The following CHMP4C variants were observed in gnomAD, a reference collection of about 807,000 sequenced individuals.
CHMP4C encodes charged multivesicular body protein 4C.
A neutral mutation model predicts 29.0 loss-of-function variants in CHMP4C; 28 were observed. That is an observed-to-expected ratio of 0.97 (90% confidence interval 0.72 to 1.32). CHMP4C has a LOEUF of 1.32. CHMP4C is among the 40% of genes most tolerant of loss of function. The pLI is 0.00. For missense variants in CHMP4C, 291 were observed against 281.0 expected, an observed-to-expected ratio of 1.04 and a Z score of -0.25; for synonymous variants, 106 against 102.4, an observed-to-expected ratio of 1.04 and a Z score of -0.21.
At chr8:81,754,739 A>C (rs1406934131) in intron 2 of CHMP4C, among the ~76,000 whole-genome samples, 4 of 152,174 alleles carry the variant, frequency 2.6e-5, no homozygotes, top group Non-Finnish European at 4.4e-5. Context: ...AAATGTCTTC[A>C]AAGTGGCTGT....
intron 4 of CHMP4C, 84 bp from the exon 5 acceptor site, chr8:81,758,396 T>C: frequency 3.9e-6 from 6 of 1,548,912 alleles, no homozygotes; most frequent in Non-Finnish European, 5.3e-6. Context: ...ACTGAACACA[T>C]TTTTATATGT....
chr8:81,753,030 C>G, intron 1 of CHMP4C, 34 bp from the exon 2 acceptor site: 12 of 1,555,980 alleles, frequency 7.7e-6, no homozygotes, highest in Non-Finnish European at 1.0e-5. Flanking sequence ...GTCTCTTTCT[C>G]TTTCCTAATA....
At chr8:81,758,362 T>C in intron 4 of CHMP4C, 67 bp downstream of exon 4, 2 of 1,589,368 alleles carry the variant, frequency 1.3e-6, no homozygotes, top group South Asian at 2.2e-5. Context: ...GCCCATTCTT[T>C]TTAGCACATG....
intron 1 of CHMP4C, among the ~76,000 whole-genome samples, chr8:81,740,208 C>T (rs1335609052): frequency 2.6e-5 from 4 of 152,206 alleles, no homozygotes; most frequent in South Asian, 2.1e-4. Flanking sequence ...GTGTTTCATC[C>T]GCTGAGGCGG....
intron 1 of CHMP4C, among the ~76,000 whole-genome samples, chr8:81,744,424 T>C (rs1563620151): frequency 6.6e-6 from 1 of 152,202 alleles, no homozygotes; most frequent in East Asian, 1.9e-4. Context: ...AGACAGTCAC[T>C]GGGGACTTTA....
At chr8:81,738,574 A>G (rs1423330158) in intron 1 of CHMP4C, among the ~76,000 whole-genome samples, 1 of 152,192 alleles carries the variant, frequency 6.6e-6, no homozygotes, top group African/African-American at 2.4e-5. Flanking sequence ...TAGTTGTCAT[A>G]GAGCTCAATT....
chr8:81,745,911 G>A (rs537672721), intron 1 of CHMP4C, among the ~76,000 whole-genome samples: 1 of 152,248 alleles, frequency 6.6e-6, no homozygotes, highest in African/African-American at 2.4e-5. Flanking sequence ...TAAATTTCAC[G>A]GCTCTGAAAA....
chr8:81,758,139 C>A lies in CHMP4C; in HGVS notation c.484-3C>A. ...CATAATTCTTCCTTTCTCCTGTGTT[C>A]AGGATGAGTTGATGGCAGAACTTGA... On this transcript the variant is annotated splice_polypyrimidine_tract_variant and splice_region_variant and intron_variant, in intron 3 of 4. Coordinates refer to ENST00000297265, the MANE Select transcript of CHMP4C (RefSeq NM_152284.4). The A allele has an allele frequency of 1.2e-6, 2 of 1,613,568 alleles. No individual in the cohort carries two copies. Among genetic ancestry groups the A allele is most frequent in the South Asian group, 2.2e-5 (2 of 91,020 alleles).
chr8:81,733,064 T>C (rs1221330170), intron 1 of CHMP4C, among the ~76,000 whole-genome samples: 1 of 152,092 alleles, frequency 6.6e-6, no homozygotes, highest in African/African-American at 2.4e-5. Context: ...ATGCAATACC[T>C]AAAGGACTCA....
chr8:81,734,465 G>A (rs1808659885), intron 1 of CHMP4C, among the ~76,000 whole-genome samples: 1 of 139,266 alleles, frequency 7.2e-6, no homozygotes, highest in Non-Finnish European at 1.6e-5. Flanking sequence ...CGAGTCGCTG[G>A]GATTACAGGC....
chr8:81,740,846 G>A (rs899853347), intron 1 of CHMP4C, among the ~76,000 whole-genome samples: 1 of 152,204 alleles, frequency 6.6e-6, no homozygotes, highest in Admixed American at 6.5e-5. Flanking sequence ...TCTGGAATAA[G>A]GTTCAGGATC....
chr8:81,752,919 G>C (rs1808922592), intron 1 of CHMP4C, 145 bp from the exon 2 acceptor site: 3 of 533,218 alleles, frequency 5.6e-6, no homozygotes, highest in Non-Finnish European at 9.5e-6. Flanking sequence ...AGGACAATAT[G>C]AGTTGTTTAT....
intron 1 of CHMP4C, among the ~76,000 whole-genome samples, chr8:81,741,071 G>T (rs1808757004): frequency 6.6e-6 from 1 of 152,116 alleles, no homozygotes; most frequent in African/African-American, 2.4e-5. Flanking sequence ...CTAGAATTTT[G>T]CTTTTAGTGT....
At chr8:81,745,964 A>G (rs901125443) in intron 1 of CHMP4C, among the ~76,000 whole-genome samples, 2 of 152,200 alleles carry the variant, frequency 1.3e-5, no homozygotes, top group African/African-American at 4.8e-5. Flanking sequence ...GATTTGCAGC[A>G]TTTGTTGCAT....
chr8:81,734,596 C>T (rs1808662313), intron 1 of CHMP4C, among the ~76,000 whole-genome samples: 1 of 152,144 alleles, frequency 6.6e-6, no homozygotes, highest in Non-Finnish European at 1.5e-5. Flanking sequence ...TCCCAAAGGG[C>T]TAGGATTACA....
intron 2 of CHMP4C, among the ~76,000 whole-genome samples, chr8:81,754,281 T>C (rs1045922592): frequency 2.0e-5 from 3 of 152,156 alleles, no homozygotes; most frequent in Non-Finnish European, 4.4e-5. Context: ...TCCAGGCAGC[T>C]TGGCAGCATC....
intron 1 of CHMP4C, among the ~76,000 whole-genome samples, chr8:81,735,442 A>G (rs1808677432): frequency 7.7e-6 from 1 of 130,230 alleles, no homozygotes; most frequent in African/African-American, 3.3e-5. Context: ...TACATAGTTA[A>G]CTGTCTTCTA....
intron 3 of CHMP4C, among the ~76,000 whole-genome samples, chr8:81,757,576 G>A (rs1354504167): frequency 2.0e-5 from 3 of 152,048 alleles, no homozygotes; most frequent in African/African-American, 2.4e-5. Flanking sequence ...AGGCTCTCTC[G>A]GACTATTGCT....
At chr8:81,744,558 C>G (rs1297120922) in intron 1 of CHMP4C, among the ~76,000 whole-genome samples, 1 of 152,130 alleles carries the variant, frequency 6.6e-6, no homozygotes, top group African/African-American at 2.4e-5. Context: ...GTCTGTGAAG[C>G]CTTCCCTTAC....
Sources: gnomAD v4.1 joint callset for allele counts (sites outside exome capture counted in the v4.1 genomes callset) on GRCh38, gnomAD v4.1.1 for gene constraint, MANE v1.5 for transcripts, NCBI Gene and HGNC (gene_info 2026-07-23, HGNC 2026-07-21) for gene names.